Variants in SLC39A11 observed in about 807,000 individuals in gnomAD.
SLC39A11 encodes the protein solute carrier family 39 member 11, also known as zinc transporter ZIP11.
In SLC39A11, 33 loss-of-function variants were observed where a neutral mutation model predicts 36.1. The observed-to-expected ratio is 0.91, with a 90% CI of 0.69 to 1.22. The LOEUF is 1.22. Ranked by LOEUF, SLC39A11 falls within the 50% of genes most tolerant of loss-of-function variation. The pLI is 0.00. For missense variants in SLC39A11, 432 were observed against 430.3 expected (o/e 1.00, Z -0.03); for synonymous variants, 166 against 170.3 (o/e 0.97, Z 0.20).
chr17:72,668,532 A>G (rs1598287274), intron 7 of SLC39A11, among the ~76,000 whole-genome samples: 1 of 152,220 alleles, frequency 6.6e-6, no homozygotes, highest in Non-Finnish European at 1.5e-5. Context: ...GACTTTGCAA[A>G]CAGCACAGAC....
chr17:72,666,868 C>T (rs1372081329), intron 7 of SLC39A11, among the ~76,000 whole-genome samples: 1 of 152,212 alleles, frequency 6.6e-6, no homozygotes, highest in African/African-American at 2.4e-5. Flanking sequence ...CCAAAACAAA[C>T]AGGAATGATT....
intron 6 of SLC39A11, among the ~76,000 whole-genome samples, chr17:72,798,018 G>A (rs1464344138): frequency 6.6e-6 from 1 of 152,116 alleles, no homozygotes; most frequent in Admixed American, 6.5e-5. Flanking sequence ...CGTGACCACA[G>A]ACTTAGTGAG....
intron 5 of SLC39A11, among the ~76,000 whole-genome samples, chr17:72,873,425 G>C (rs2080744976): frequency 6.6e-6 from 1 of 150,472 alleles, no homozygotes; most frequent in African/African-American, 2.5e-5. Flanking sequence ...AATATGTGAG[G>C]AGGAGGACTT....
At chr17:72,884,248 C>T (rs1454844715) in intron 5 of SLC39A11, among the ~76,000 whole-genome samples, 2 of 152,236 alleles carry the variant, frequency 1.3e-5, no homozygotes, top group East Asian at 1.9e-4. Flanking sequence ...ACAAAAGCAG[C>T]GTTGTCACTG....
chr17:72,759,018 T>C (rs924702368), intron 6 of SLC39A11, among the ~76,000 whole-genome samples: 2 of 152,056 alleles, frequency 1.3e-5, no homozygotes, highest in Non-Finnish European at 2.9e-5. Flanking sequence ...GGAGAATCTC[T>C]TGAACCCGGG....
chr17:72,773,257 A>G (rs2076011814), intron 6 of SLC39A11, among the ~76,000 whole-genome samples: 1 of 152,118 alleles, frequency 6.6e-6, no homozygotes, highest in Admixed American at 6.5e-5. Flanking sequence ...TGTATCTTCT[A>G]TAGACAGGGG....
chr17:73,019,339 AC>A (rs1163041824), intron 4 of SLC39A11, among the ~76,000 whole-genome samples: 4 of 152,230 alleles, frequency 2.6e-5, no homozygotes, highest in Non-Finnish European at 5.9e-5. Context: ...TTTAAAGACA[AC>A]CGATTGTTAA....
intron 6 of SLC39A11, among the ~76,000 whole-genome samples, chr17:72,847,403 TAA>T (rs5821924): frequency 2.7e-3 from 381 of 141,322 alleles, no homozygotes; most frequent in Admixed American, 3.7e-3. Flanking sequence ...CTCTGTCTCA[TAA>T]AAAAAAAAAA....
intron 3 of SLC39A11, among the ~76,000 whole-genome samples, chr17:73,045,456 C>G (rs2059253601): frequency 7.7e-6 from 1 of 129,802 alleles, no homozygotes; most frequent in South Asian, 2.9e-4. Context: ...TCCTATATTT[C>G]TTTTTTTTCC....
At chr17:72,867,899 C>A (rs1390142058) in intron 5 of SLC39A11, among the ~76,000 whole-genome samples, 2 of 152,190 alleles carry the variant, frequency 1.3e-5, no homozygotes, top group African/African-American at 4.8e-5. Context: ...TGGGATCCTA[C>A]ATAAGCAAAC....
chr17:72,963,338 T>G (rs1247275242), intron 4 of SLC39A11, among the ~76,000 whole-genome samples: 2 of 151,628 alleles, frequency 1.3e-5, no homozygotes, highest in Non-Finnish European at 2.9e-5. Context: ...GCCCGGCTAA[T>G]TTTTTGTATT....
chr17:72,739,277 C>G (rs2074571875), intron 6 of SLC39A11, among the ~76,000 whole-genome samples: 1 of 152,040 alleles, frequency 6.6e-6, no homozygotes. Flanking sequence ...CAGGCATGCG[C>G]CACCATGCCC....
At position 73,043,382 on chromosome 17, in the gene SLC39A11, A is replaced by G. The variant is rs115264644; in HGVS notation, c.148-11668T>C. Among the ~76,000 whole-genome samples, 169 of 152,192 alleles carry G rather than the reference A, an allele frequency of 1.1e-3. 1 individual carries two copies. Among genetic ancestry groups the G allele is most frequent in the African/African-American group, 3.9e-3 (163 of 41,536 alleles). On this transcript the variant is annotated intron_variant, in intron 3 of 9. Transcript: ENST00000255559. ...TCACACAATGGGTGGCTTGTTTCCA[A>G]CTCTGGTTGTACTATAAAATCAACC...
chr17:72,649,420 C>T (rs139257036), intron 7 of SLC39A11, 152 bp from the exon 8 acceptor site: 103 of 649,214 alleles, frequency 1.6e-4, no homozygotes, highest in Non-Finnish European at 2.1e-4. Flanking sequence ...AAGGTCAGGA[C>T]GTGTGTCTAG....
chr17:73,080,868 C>T (rs1012940068), intron 3 of SLC39A11, among the ~76,000 whole-genome samples: 1 of 151,992 alleles, frequency 6.6e-6, no homozygotes, highest in Admixed American at 6.6e-5. Flanking sequence ...TCGCTTGAAC[C>T]CTGGTGACAG....
intron 3 of SLC39A11, among the ~76,000 whole-genome samples, chr17:73,067,353 G>A (rs566405089): frequency 1.3e-5 from 2 of 152,316 alleles, no homozygotes; most frequent in East Asian, 3.9e-4. Flanking sequence ...TTGTAGCATG[G>A]AAGGCAGATG....
intron 5 of SLC39A11, among the ~76,000 whole-genome samples, chr17:72,900,441 G>A (rs1344204038): frequency 6.6e-6 from 1 of 151,932 alleles, no homozygotes; most frequent in Non-Finnish European, 1.5e-5. Context: ...GATCTGCAAG[G>A]AGGCCAGTGA....
At chr17:72,782,838 C>T (rs2076369475) in intron 6 of SLC39A11, among the ~76,000 whole-genome samples, 1 of 151,124 alleles carries the variant, frequency 6.6e-6, no homozygotes, top group Admixed American at 6.6e-5. Flanking sequence ...CCCTTCTCTA[C>T]TAAACATACA....
chr17:73,003,918 T>C (rs2089976097), intron 4 of SLC39A11, among the ~76,000 whole-genome samples: 1 of 151,884 alleles, frequency 6.6e-6, no homozygotes, highest in South Asian at 2.1e-4. Context: ...AAACCCCGTC[T>C]CTACTAAAAA....
Sources: allele counts gnomAD v4.1 joint callset (sites outside exome capture counted in the v4.1 genomes callset), GRCh38; gene constraint gnomAD v4.1.1; transcripts MANE v1.5; gene names NCBI Gene and HGNC (gene_info 2026-07-23, HGNC 2026-07-21).